Variants in TLK2 observed in about 807,000 individuals in gnomAD.
TLK2 encodes tousled like kinase 2.
A neutral mutation model predicts 117.3 loss-of-function variants in TLK2; 6 were observed. The observed-to-expected ratio is 0.05, with a 90% confidence interval of 0.03 to 0.10. The LOEUF is 0.10. TLK2 is among the 10% of genes least tolerant of loss of function. The pLI, the probability that TLK2 is intolerant of heterozygous loss-of-function variation, is 1.00. For synonymous variants in TLK2, 257 were observed against 316.7 expected (o/e 0.81, Z 2.00); for missense variants, 299 against 901.2 (o/e 0.33, Z 8.56).
intron 11 of TLK2, among the ~76,000 whole-genome samples, chr17:62,565,550 G>A (rs1329445153): frequency 6.6e-6 from 1 of 151,466 alleles, no homozygotes; most frequent in East Asian, 1.9e-4. Flanking sequence ...CTACTTGGGA[G>A]GCTGAGGCAG....
At chr17:62,579,572 A>G (rs1015058665) in intron 14 of TLK2, among the ~76,000 whole-genome samples, 3 of 152,230 alleles carry the variant, frequency 2.0e-5, no homozygotes, top group African/African-American at 7.2e-5. Context: ...TTTCTTTATC[A>G]TATTATTAAG....
chr17:62,564,166 G>A (rs1816362980), intron 10 of TLK2, among the ~76,000 whole-genome samples: 1 of 152,188 alleles, frequency 6.6e-6, no homozygotes, highest in African/African-American at 2.4e-5. Flanking sequence ...ACTTTGGGAG[G>A]TGGAGGTGGG....
rs752862037 is a variant in TLK2 at position 62,576,797 on chromosome 17, C to T, written c.1188+22C>T. The T allele has an allele frequency of 4.4e-6, 7 of 1,583,396 alleles. No individual in the cohort carries two copies. In the African/African-American group the frequency reaches 9.5e-5, roughly 21 times the overall value. On this transcript the variant is annotated intron_variant, in intron 13 of 21. Transcript: ENST00000346027. ...AAAGGTAAGTATAATGAGAAAATCT[C>T]CCTGGAGAAATGTGATACCTAGTTT...
chr17:62,505,590 A>AT (rs773377774), intron 2 of TLK2, among the ~76,000 whole-genome samples: 28 of 150,546 alleles, frequency 1.9e-4, no homozygotes, highest in Middle Eastern at 3.4e-3. Flanking sequence ...CTTTTATTCT[A>AT]TTTTTTTGTT....
intron 2 of TLK2, among the ~76,000 whole-genome samples, chr17:62,494,612 C>T (rs1437250681): frequency 6.6e-6 from 1 of 152,002 alleles, no homozygotes; most frequent in African/African-American, 2.4e-5. Flanking sequence ...TCTCGAACTC[C>T]TGACCTCAGG....
intron 10 of TLK2, among the ~76,000 whole-genome samples, chr17:62,562,077 G>A (rs1353858035): frequency 1.3e-5 from 2 of 152,238 alleles, no homozygotes; most frequent in East Asian, 3.9e-4. Context: ...CAGCATAAAT[G>A]GACTGGGTGT....
rs148082226 is a variant in TLK2, at chr17:62,506,455, C to T, written c.82-14318C>T. Among the ~76,000 whole-genome samples, 796 of 152,316 alleles carry T rather than the reference C, an allele frequency of 5.2e-3. 5 individuals are homozygous for T. The highest frequency in any genetic ancestry group is 0.018 in the African/African-American group (756 of 41,574). The stretch of plus-strand genomic sequence containing the variant: ...GAATGTTGACTCCTGCATCATCTTA[C>T]ACCAGTTCCAGTAGGAATTTTGTTA... On this transcript the variant is annotated intron_variant, in intron 2 of 21. Coordinates refer to ENST00000346027, the MANE Select transcript of TLK2 (RefSeq NM_006852.6).
At chr17:62,484,358 G>A (rs565402495) in intron 2 of TLK2, among the ~76,000 whole-genome samples, 9 of 151,490 alleles carry the variant, frequency 5.9e-5, no homozygotes, top group Non-Finnish European at 7.4e-5. Context: ...GTGCAGTGGC[G>A]CGATCTCAGC....
intron 16 of TLK2, among the ~76,000 whole-genome samples, chr17:62,593,875 C>A (rs1309424132): frequency 6.6e-6 from 1 of 150,926 alleles, no homozygotes; most frequent in Non-Finnish European, 1.5e-5. Flanking sequence ...TTACTTCAAC[C>A]TCTGCCTCCT....
At chr17:62,490,755 T>C (rs1000537257) in intron 2 of TLK2, among the ~76,000 whole-genome samples, 1 of 152,174 alleles carries the variant, frequency 6.6e-6, no homozygotes, top group African/African-American at 2.4e-5. Flanking sequence ...TTGGCCGGGC[T>C]GGTCTCGAAC....
intron 11 of TLK2, among the ~76,000 whole-genome samples, chr17:62,571,638 G>A (rs2080299941): frequency 6.6e-6 from 1 of 152,188 alleles, no homozygotes; most frequent in Admixed American, 6.5e-5. Flanking sequence ...CAAGGGCATA[G>A]TATTATCAAG....
At chr17:62,569,624 C>T (rs1163305180) in intron 11 of TLK2, among the ~76,000 whole-genome samples, 2 of 151,516 alleles carry the variant, frequency 1.3e-5, no homozygotes, top group Admixed American at 6.6e-5. Context: ...TTAGTAGAGA[C>T]GAGGTTTCAC....
Position 62,520,857 on chromosome 17 carries a change from G to A in TLK2, c.153+13G>A, listed in dbSNP as rs1208078220. 1.2e-6 allele frequency: 2 copies of A among 1,611,270 alleles called. No individual in the cohort carries two copies. The highest frequency in any genetic ancestry group is 1.7e-6 in the Non-Finnish European group (2 of 1,178,212). On this transcript the variant is annotated intron_variant, in intron 3 of 21. Transcript: ENST00000346027. Reference sequence around the variant, plus strand: ...TAAAGAAGTAGAGGTAAGAAGCTATGTTCATGGCAGGACTTTTCATACTTG... The same window carrying A: ...TAAAGAAGTAGAGGTAAGAAGCTATATTCATGGCAGGACTTTTCATACTTG...
chr17:62,558,308 G>T (rs1184414886), intron 9 of TLK2, among the ~76,000 whole-genome samples: 2 of 152,046 alleles, frequency 1.3e-5, no homozygotes, highest in African/African-American at 4.8e-5. Context: ...CATCAGAGGC[G>T]CATGCCACCA....
intron 10 of TLK2, among the ~76,000 whole-genome samples, chr17:62,564,565 G>A (rs1287161146): frequency 2.0e-5 from 3 of 149,068 alleles, no homozygotes; most frequent in African/African-American, 5.0e-5. Flanking sequence ...AAAATTATCC[G>A]GACGTGGTGG....
intron 1 of TLK2, among the ~76,000 whole-genome samples, chr17:62,471,479 T>C (rs377420483): frequency 1.3e-5 from 2 of 152,134 alleles, no homozygotes; most frequent in Admixed American, 6.6e-5. Context: ...GCAGGGCCTT[T>C]CCTTTATTAA....
At chr17:62,503,228 T>G (rs549897507) in intron 2 of TLK2, among the ~76,000 whole-genome samples, 94 of 151,794 alleles carry the variant, frequency 6.2e-4, no homozygotes, top group Admixed American at 1.6e-3. Flanking sequence ...CTTGGCTAAT[T>G]TTTGTATTTT....
intron 10 of TLK2, among the ~76,000 whole-genome samples, chr17:62,562,261 G>A (rs2079347914): frequency 6.6e-6 from 1 of 152,180 alleles, no homozygotes. Flanking sequence ...TCTGGAGGCT[G>A]AGGCACGAGA....
intron 3 of TLK2, among the ~76,000 whole-genome samples, chr17:62,521,249 T>C (rs2145534559): frequency 1.3e-5 from 2 of 152,338 alleles, no homozygotes; most frequent in Middle Eastern, 3.4e-3. Flanking sequence ...GCTCTTTGCA[T>C]ACGTACAGTT....
Sources: allele counts gnomAD v4.1 joint callset (sites outside exome capture counted in the v4.1 genomes callset), GRCh38; gene constraint gnomAD v4.1.1; transcripts MANE v1.5; gene names NCBI Gene and HGNC (gene_info 2026-07-23, HGNC 2026-07-21).